Variants in MTCL2 observed in about 807,000 individuals in gnomAD.
MTCL2 encodes the protein microtubule cross-linking factor 2.
the MTCL2 span, among the ~76,000 whole-genome samples, chr20:36,834,135 C>T: frequency 6.7e-6 from 1 of 150,342 alleles, no homozygotes; most frequent in African/African-American, 2.4e-5. Flanking sequence ...TGTACTCCAG[C>T]CTGGGTGACA....
the MTCL2 span, among the ~76,000 whole-genome samples, chr20:36,855,319 G>C: frequency 6.6e-6 from 1 of 152,242 alleles, no homozygotes; most frequent in African/African-American, 2.4e-5. Flanking sequence ...TTCCAGCCCA[G>C]TCAGCTTGGC....
the MTCL2 span, chr20:36,815,016 T>G: frequency 1.9e-6 from 2 of 1,054,410 alleles, no homozygotes; most frequent in Non-Finnish European, 2.7e-6. This position sits in a 1 kb window ranked among gnomAD's most constrained non-coding sequence, Gnocchi z 5.3. Flanking sequence ...GAACTGAGAT[T>G]GCACCACTGC....
chr20:36,796,928 TGTC>T, the MTCL2 span: 1 of 1,613,994 alleles, frequency 6.2e-7, no homozygotes, highest in East Asian at 2.2e-5. Flanking sequence ...ACAGCCTCCT[TGTC>T]GTGGATCTTC....
the MTCL2 span, chr20:36,804,784 T>C: frequency 3.2e-5 from 52 of 1,613,874 alleles, no homozygotes; most frequent in South Asian, 5.5e-5. Context: ...CCAGGTAGCC[T>C]TGGCCTTGGC....
the MTCL2 span, among the ~76,000 whole-genome samples, chr20:36,813,756 A>AC: frequency 6.8e-6 from 1 of 148,018 alleles, no homozygotes; most frequent in African/African-American, 2.5e-5. Flanking sequence ...CTGTCTCAAA[A>AC]AAAAAAAAAA....
At chr20:36,834,553 C>G in the MTCL2 span, among the ~76,000 whole-genome samples, 1 of 152,092 alleles carries the variant, frequency 6.6e-6, no homozygotes, top group African/African-American at 2.4e-5. Flanking sequence ...TTTATCCACC[C>G]TGGGAGGCTG....
At chr20:36,863,222 G>T in the MTCL2 span, 2 of 1,207,130 alleles carry the variant, frequency 1.7e-6, no homozygotes, top group South Asian at 7.7e-5. The surrounding 1 kb of genome is among the most constrained non-coding windows in gnomAD (Gnocchi z 6.2). Flanking sequence ...AGCCGGCCAC[G>T]TCTTTGGGCC....
chr20:36,816,256 C>A, the MTCL2 span: 11 of 1,608,556 alleles, frequency 6.8e-6, no homozygotes, highest in Non-Finnish European at 8.5e-6. Flanking sequence ...CACATGAGGG[C>A]TGACTCCTCC....
At chr20:36,831,648 T>C in the MTCL2 span, among the ~76,000 whole-genome samples, 1 of 152,092 alleles carries the variant, frequency 6.6e-6, no homozygotes, top group Admixed American at 6.6e-5. Context: ...CCACTGCCTG[T>C]TTCTGCCCGA....
the MTCL2 span, among the ~76,000 whole-genome samples, chr20:36,855,004 C>T: frequency 6.6e-6 from 1 of 152,144 alleles, no homozygotes; most frequent in Non-Finnish European, 1.5e-5. Context: ...AACACTCAGA[C>T]TGATGCCCCA....
At chr20:36,781,838 ATTT>A in the MTCL2 span, 2 of 152,080 alleles carry the variant, frequency 1.3e-5, no homozygotes, top group Middle Eastern at 6.8e-3. Flanking sequence ...GGCTGGTTTT[ATTT>A]TTTATTTTTT....
chr20:36,842,040 G>GT, the MTCL2 span, among the ~76,000 whole-genome samples: 3 of 152,202 alleles, frequency 2.0e-5, no homozygotes, highest in South Asian at 4.1e-4. Flanking sequence ...CTGGGTTTGG[G>GT]TTTTAAGCAG....
the MTCL2 span, chr20:36,786,541 G>A: frequency 1.1e-3 from 1,676 of 1,551,070 alleles, 1 homozygote; most frequent in Non-Finnish European, 1.4e-3. Context: ...TCTGAAGGGT[G>A]CAGCCTGCAC....
chr20:36,793,588 C>T, the MTCL2 span: 49 of 1,551,566 alleles, frequency 3.2e-5, no homozygotes, highest in Non-Finnish European at 4.2e-5. The surrounding 1 kb of genome is among the most constrained non-coding windows in gnomAD (Gnocchi z 6.8). Context: ...AGTGCTCCAC[C>T]ACACTGAAGA....
chr20:36,863,123 C>G, the MTCL2 span: 6 of 1,397,894 alleles, frequency 4.3e-6, no homozygotes, highest in African/African-American at 6.0e-5. This position sits in a 1 kb window ranked among gnomAD's most constrained non-coding sequence, Gnocchi z 6.2. Flanking sequence ...CCACTGCGCG[C>G]CCCTTCTTGT....
chr20:36,825,937 A>G, the MTCL2 span, among the ~76,000 whole-genome samples: 2 of 152,154 alleles, frequency 1.3e-5, no homozygotes, highest in African/African-American at 2.4e-5. Context: ...TGTACCAGGC[A>G]CCACAAAGGG....
the MTCL2 span, chr20:36,804,619 A>C: frequency 7.2e-7 from 1 of 1,383,966 alleles, no homozygotes; most frequent in Non-Finnish European, 9.9e-7. Context: ...CCACAGGTGA[A>C]GCAACGGCAT....
the MTCL2 span, among the ~76,000 whole-genome samples, chr20:36,789,436 C>T: frequency 6.6e-6 from 1 of 152,030 alleles, no homozygotes; most frequent in Non-Finnish European, 1.5e-5. Context: ...CTGAGGCAGG[C>T]GGATCACTTG....
chr20:36,809,978 G>C, the MTCL2 span: 12 of 1,598,480 alleles, frequency 7.5e-6, no homozygotes, highest in Non-Finnish European at 1.0e-5. Context: ...TGGGCACCAC[G>C]CACCTGGACC....
Sources: gnomAD v4.1 joint callset for allele counts (sites outside exome capture counted in the v4.1 genomes callset) on GRCh38, gnomAD v4.1.1 for gene constraint, Gnocchi (gnomAD v3.1) non-coding constraint, MANE v1.5 for transcripts, NCBI Gene and HGNC (gene_info 2026-07-23, HGNC 2026-07-21) for gene names.